Variants in HEATR5B observed in about 807,000 individuals in gnomAD.
HEATR5B encodes HEAT repeat-containing protein 5B.
In HEATR5B, 156 loss-of-function variants were observed where a neutral mutation model predicts 224.1. That is an observed-to-expected ratio of 0.70 (90% confidence interval 0.61 to 0.80). The LOEUF (loss-of-function observed/expected upper bound fraction) is 0.80, where lower values mean the gene tolerates loss of function less well. Ranked by LOEUF, HEATR5B falls within the 30% of genes least tolerant of loss-of-function variation. HEATR5B has a pLI of 0.00. For synonymous variants in HEATR5B, 1,027 were observed against 893.0 expected (o/e 1.15, Z -2.68); for missense variants, 2,323 against 2,535.5 (o/e 0.92, Z 1.80).
chr2:37,073,512 G>A (rs940233225), intron 5 of HEATR5B, among the ~76,000 whole-genome samples: 3 of 152,102 alleles, frequency 2.0e-5, no homozygotes, highest in South Asian at 4.2e-4. Context: ...CCAAAGTGCT[G>A]GGATTACAGG....
intron 3 of HEATR5B, among the ~76,000 whole-genome samples, chr2:37,077,335 G>A (rs182790146): frequency 6.6e-6 from 1 of 151,780 alleles, no homozygotes; most frequent in African/African-American, 2.4e-5. Context: ...GGGAGACAAA[G>A]TCTCACTCTG....
At chr2:37,058,403 G>A (rs774269789) in intron 14 of HEATR5B, 48 bp downstream of exon 14, 1 of 1,078,652 alleles carries the variant, frequency 9.3e-7, no homozygotes, top group Non-Finnish European at 1.4e-6. Flanking sequence ...ATACGGTGAA[G>A]AATTGTAAAG....
In HEATR5B at chr2:37,068,738, G is replaced by C; in HGVS notation, c.1120C>G (p.Gln374Glu). Residue 374 changes from glutamine to glutamate, a missense_variant, in exon 8 of 36, where the codon CAG (glutamine) becomes GAG (glutamate). Around this residue, in one of 12 missense-constraint regions of HEATR5B, gnomAD observed 502 missense variants for 517.8 expected, o/e 0.97. Coordinates refer to ENST00000233099, the MANE Select transcript of HEATR5B (RefSeq NM_019024.3). The stretch of plus-strand genomic sequence containing the variant: ...CAGATTTCTTTGGCAGCTGCAATCT[G>C]GGCTTTTTCACCTAGCAAACTGCCC... Reference protein sequence around the residue: ...TVGSLLGEKAQIAAAKEICQA... With the variant: ...TVGSLLGEKAEIAAAKEICQA... 6.2e-7 allele frequency: 1 copy of C among 1,614,096 alleles called. No homozygotes were observed. The highest frequency in any genetic ancestry group is 8.5e-7 in the Non-Finnish European group (1 of 1,180,004).
chr2:37,034,247 C>A (rs963998483), intron 21 of HEATR5B, among the ~76,000 whole-genome samples: 6 of 150,580 alleles, frequency 4.0e-5, no homozygotes, highest in Admixed American at 2.0e-4. Context: ...ACCTTCTGAT[C>A]CGCCCACCTC....
Position 37,002,439 on chromosome 2 carries a change from T to C in HEATR5B, c.5184A>G (p.Pro1728=), listed in dbSNP as rs745598384. 21 of 1,614,128 alleles carry C rather than the reference T, an allele frequency of 1.3e-5. No individual in the cohort carries two copies. The highest frequency in any genetic ancestry group is 1.6e-4 in the Middle Eastern group (1 of 6,084). The part of the protein sequence containing the change: ...LLMFILVRHM[P]HLSTKVSDSP... Reference sequence around the variant, plus strand: ...AGTCTGACACCTTGGTACTGAGATGTGGCATATGCCGTACTAAAATGAACA... The same window carrying C: ...AGTCTGACACCTTGGTACTGAGATGCGGCATATGCCGTACTAAAATGAACA... The change falls in exon 32 of 36, where the codon CCA becomes CCG. Residue 1728 remains proline, a synonymous_variant. Transcript: ENST00000233099.
At position 37,049,844 on chromosome 2, in the gene HEATR5B, C is replaced by T; in HGVS notation, c.2506-1G>A. On this transcript the variant is annotated splice_acceptor_variant, in intron 17 of 35. Coordinates refer to ENST00000233099, the MANE Select transcript of HEATR5B (RefSeq NM_019024.3). LOFTEE classifies it high-confidence loss of function. ...AAGTACTTTTGTTTTCAGCTAAGCC[C>T]TACATTAAAAAAAAAAAAAAAAAAA... 2.9e-6 allele frequency: 4 copies of T among 1,362,342 alleles called. No individual in the cohort carries two copies. The highest frequency in any genetic ancestry group is 9.6e-7 in the Non-Finnish European group (1 of 1,038,396). The allele number at this position is 1,362,342 out of a possible 1,614,324, so 84.4% of individuals were successfully genotyped here. A position where few individuals can be genotyped will look rare whatever the true frequency, so the allele number is the denominator to read the frequency against.
chr2:37,002,809 T>A (rs1667177968), intron 31 of HEATR5B, among the ~76,000 whole-genome samples: 1 of 152,196 alleles, frequency 6.6e-6, no homozygotes, highest in African/African-American at 2.4e-5. Flanking sequence ...TTATTGGGTA[T>A]ATATTTTGTA....
Position 37,074,321 on chromosome 2 carries a change from CAA to C in HEATR5B, c.597+1162_597+1163del, listed in dbSNP as rs200217812. Among the ~76,000 whole-genome samples, 358 of 50,602 alleles carry C rather than the reference CAA, an allele frequency of 7.1e-3. 3 individuals are homozygous for C. The highest frequency in any genetic ancestry group is 0.027 in the African/African-American group (337 of 12,632). The allele number at this position is 50,602 out of a possible 152,430, so 33.2% of individuals were successfully genotyped here. A position where few individuals can be genotyped will look rare whatever the true frequency, so the allele number is the denominator to read the frequency against. On this transcript the variant is annotated intron_variant, in intron 5 of 35. Transcript: ENST00000233099. The stretch of plus-strand genomic sequence containing the variant: ...CTGGGGACAGAGCAAGACTCCATCT[CAA>C]AAAAAAAAAAAAAAGAAATGGTACT...
intron 27 of HEATR5B, among the ~76,000 whole-genome samples, chr2:37,009,912 A>C (rs1667684870): frequency 6.6e-6 from 1 of 152,078 alleles, no homozygotes; most frequent in Non-Finnish European, 1.5e-5. Context: ...ATTTCCATAA[A>C]TATCCTTCTA....
chr2:36,992,284 A>G (rs142379118), intron 33 of HEATR5B, among the ~76,000 whole-genome samples: 6 of 152,318 alleles, frequency 3.9e-5, no homozygotes, highest in Non-Finnish European at 7.4e-5. Context: ...ACGAATGTTA[A>G]AAACCTGAGA....
At chr2:37,038,332 T>A (rs1267991754) in intron 20 of HEATR5B, among the ~76,000 whole-genome samples, 1 of 151,684 alleles carries the variant, frequency 6.6e-6, no homozygotes, top group Non-Finnish European at 1.5e-5. Flanking sequence ...TAGAGATGAG[T>A]TTTCACCATG....
chr2:37,003,863 ACTC>A (rs1667247945), intron 30 of HEATR5B, among the ~76,000 whole-genome samples, 177 bp from the exon 31 acceptor site: 6 of 152,300 alleles, frequency 3.9e-5, no homozygotes, highest in Admixed American at 3.9e-4. Flanking sequence ...GTCACATTTT[ACTC>A]CTATGTATTT....
At chr2:37,027,799 C>T in intron 24 of HEATR5B, 124 bp downstream of exon 24, 1 of 960,372 alleles carries the variant, frequency 1.0e-6, no homozygotes, top group Non-Finnish European at 1.6e-6. Context: ...GGCAAGAGAA[C>T]TTACAATAAA....
At chr2:37,055,054 T>A in intron 16 of HEATR5B, 1 of 388,880 alleles carries the variant, frequency 2.6e-6, no homozygotes. Flanking sequence ...TGATGTACTT[T>A]AAAAAATTCT....
At chr2:37,051,921 G>C (rs1308050851) in intron 17 of HEATR5B, among the ~76,000 whole-genome samples, 2 of 151,926 alleles carry the variant, frequency 1.3e-5, no homozygotes, top group African/African-American at 2.4e-5. Flanking sequence ...TGTATTTTTA[G>C]TAGAGATGGA....
intron 6 of HEATR5B, among the ~76,000 whole-genome samples, chr2:37,071,762 G>A (rs1013252132): frequency 1.3e-5 from 2 of 151,350 alleles, no homozygotes; most frequent in Admixed American, 6.6e-5. Context: ...TTGGCTCACT[G>A]CAATCTCTGC....
chr2:37,059,150 A>T (rs1671094659), intron 12 of HEATR5B, among the ~76,000 whole-genome samples, 163 bp from the exon 13 acceptor site: 1 of 151,888 alleles, frequency 6.6e-6, no homozygotes, highest in South Asian at 2.1e-4. Context: ...ACAACTACAA[A>T]GAAAAATCGT....
chr2:37,000,510 T>A, intron 33 of HEATR5B, 76 bp downstream of exon 33: 1 of 1,150,762 alleles, frequency 8.7e-7, no homozygotes, highest in Non-Finnish European at 1.3e-6. Context: ...AGTTTTCTGA[T>A]AAGCTTATTC....
chr2:36,983,062 G>C (rs1572721119), intron 35 of HEATR5B, among the ~76,000 whole-genome samples: 1 of 152,160 alleles, frequency 6.6e-6, no homozygotes, highest in East Asian at 1.9e-4. Context: ...ACTATGCTTT[G>C]AATGAATAAA....
Sources: allele counts gnomAD v4.1 joint callset (sites outside exome capture counted in the v4.1 genomes callset), GRCh38; gene constraint gnomAD v4.1.1; regional missense constraint gnomAD v4.1.1; transcripts MANE v1.5; gene names NCBI Gene and HGNC (gene_info 2026-07-23, HGNC 2026-07-21).